Variants in ADAMTSL1 observed in about 807,000 individuals in gnomAD.
ADAMTSL1 encodes ADAMTS like 1, also known as ADAMTS-like protein 1.
ADAMTSL1 carries 126 observed loss-of-function variants against 201.8 expected under a neutral mutation model. The ratio of observed to expected loss-of-function variants is 0.62; its 90% CI spans 0.54 to 0.72. The LOEUF (loss-of-function observed/expected upper bound fraction) is 0.72, where lower values mean the gene tolerates loss of function less well. Ranked by LOEUF, ADAMTSL1 falls within the 30% of genes least tolerant of loss-of-function variation. ADAMTSL1 has a pLI of 0.00. For missense variants in ADAMTSL1, 2,679 were observed against 2,277.8 expected (o/e 1.18, Z -3.59); for synonymous variants, 1,121 against 903.4 (o/e 1.24, Z -4.32).
intron 1 of ADAMTSL1, among the ~76,000 whole-genome samples, chr9:18,093,122 A>C (rs1424573704): frequency 6.6e-6 from 1 of 152,204 alleles, no homozygotes; most frequent in African/African-American, 2.4e-5. Context: ...GCAGCCGACA[A>C]GTACAGAAAA....
At chr9:18,584,730 C>G (rs559740147) in intron 4 of ADAMTSL1, among the ~76,000 whole-genome samples, 2 of 152,140 alleles carry the variant, frequency 1.3e-5, no homozygotes, top group East Asian at 3.9e-4. Context: ...AGGAGATTGC[C>G]TTGTGAATCA....
intron 2 of ADAMTSL1, among the ~76,000 whole-genome samples, chr9:18,318,279 G>T (rs1199719289): frequency 6.6e-6 from 1 of 152,194 alleles, no homozygotes; most frequent in African/African-American, 2.4e-5. Context: ...TGGCCCCAAA[G>T]TATGCTTTAT....
chr9:17,990,250 G>T (rs551405421), intron 1 of ADAMTSL1, among the ~76,000 whole-genome samples: 3 of 151,956 alleles, frequency 2.0e-5, no homozygotes, highest in Non-Finnish European at 4.4e-5. Context: ...TAGCAAGCTC[G>T]ACCTTTGGAA....
At chr9:18,401,818 T>G (rs886734031) in intron 2 of ADAMTSL1, among the ~76,000 whole-genome samples, 4 of 152,182 alleles carry the variant, frequency 2.6e-5, no homozygotes, top group African/African-American at 7.2e-5. Flanking sequence ...TGATCTCAGC[T>G]GTGCTTCTGA....
chr9:18,799,827 AAAT>A (rs1227878184), intron 20 of ADAMTSL1, among the ~76,000 whole-genome samples: 2 of 152,166 alleles, frequency 1.3e-5, no homozygotes, highest in Non-Finnish European at 2.9e-5. Context: ...GGGAAAATAA[AAAT>A]AAAAGGCAAT....
chr9:18,786,204 A>G (rs1821699224), intron 19 of ADAMTSL1, among the ~76,000 whole-genome samples: 1 of 152,192 alleles, frequency 6.6e-6, no homozygotes, highest in Non-Finnish European at 1.5e-5. Context: ...ATCCTAGGGA[A>G]ATGGCTAAGT....
chr9:18,536,105 G>A (rs530663070), intron 3 of ADAMTSL1, among the ~76,000 whole-genome samples: 1 of 152,154 alleles, frequency 6.6e-6, no homozygotes, highest in African/African-American at 2.4e-5. Flanking sequence ...TGCTTTTAGT[G>A]ATAACAGAAG....
chr9:17,997,026 G>A (rs1341083185), intron 1 of ADAMTSL1, among the ~76,000 whole-genome samples: 1 of 152,100 alleles, frequency 6.6e-6, no homozygotes, highest in Non-Finnish European at 1.5e-5. Flanking sequence ...ACTTGAGTGG[G>A]CATTTTGCCC....
chr9:18,629,710 G>C (rs1220322331), intron 5 of ADAMTSL1, among the ~76,000 whole-genome samples: 2 of 152,010 alleles, frequency 1.3e-5, no homozygotes, highest in African/African-American at 4.8e-5. Context: ...TTTTTGTATT[G>C]TCTTTGTTTG....
intron 3 of ADAMTSL1, among the ~76,000 whole-genome samples, chr9:18,562,662 T>C (rs1019174383): frequency 6.6e-6 from 1 of 152,218 alleles, no homozygotes; most frequent in African/African-American, 2.4e-5. Flanking sequence ...CAGTCAAACA[T>C]AGGTTTGGTC....
At chr9:18,388,799 C>T (rs1001242818) in intron 2 of ADAMTSL1, among the ~76,000 whole-genome samples, 25 of 151,798 alleles carry the variant, frequency 1.6e-4, no homozygotes, top group Admixed American at 1.6e-3. Flanking sequence ...CTCTGTCACC[C>T]AGGCTGGAGT....
intron 2 of ADAMTSL1, among the ~76,000 whole-genome samples, chr9:18,358,606 A>C (rs1836362407): frequency 6.6e-6 from 1 of 152,196 alleles, no homozygotes; most frequent in African/African-American, 2.4e-5. Context: ...TAGACATATT[A>C]TATAAATGTA....
At chr9:18,565,568 GAAAA>G (rs11339613) in intron 3 of ADAMTSL1, among the ~76,000 whole-genome samples, 2 of 106,770 alleles carry the variant, frequency 1.9e-5, no homozygotes, top group African/African-American at 6.6e-5. Context: ...TCCTAGTTAT[GAAAA>G]AAAAAAAAAA....
At chr9:18,148,304 G>A (rs79110990) in intron 1 of ADAMTSL1, among the ~76,000 whole-genome samples, 18,860 of 148,952 alleles carry the variant, frequency 0.13, 1,487 homozygotes, top group South Asian at 0.21. Context: ...AAGAATGTTT[G>A]TTTAACATTC....
chr9:18,700,931 A>G (rs1587931577), intron 13 of ADAMTSL1, among the ~76,000 whole-genome samples: 1 of 152,232 alleles, frequency 6.6e-6, no homozygotes, highest in Non-Finnish European at 1.5e-5. Context: ...GTTACAGCCA[A>G]TTCAAAGGAA....
At chr9:18,879,914 T>C (rs1828422634) in intron 23 of ADAMTSL1, among the ~76,000 whole-genome samples, 1 of 152,354 alleles carries the variant, frequency 6.6e-6, no homozygotes, top group East Asian at 1.9e-4. Context: ...GCCACTGCTT[T>C]ATTAATTAAG....
intron 15 of ADAMTSL1, among the ~76,000 whole-genome samples, chr9:18,724,418 C>T (rs1817743799): frequency 6.6e-6 from 1 of 152,220 alleles, no homozygotes; most frequent in Admixed American, 6.5e-5. Flanking sequence ...AAGCACATGT[C>T]TAACTTTCAC....
At chr9:18,419,170 A>C (rs1288660748) in intron 2 of ADAMTSL1, among the ~76,000 whole-genome samples, 1 of 152,190 alleles carries the variant, frequency 6.6e-6, no homozygotes, top group Non-Finnish European at 1.5e-5. Context: ...CTCAACCAAA[A>C]CCTTATACCT....
At chr9:18,007,386 A>C (rs1340335482) in intron 1 of ADAMTSL1, among the ~76,000 whole-genome samples, 1 of 152,056 alleles carries the variant, frequency 6.6e-6, no homozygotes, top group Non-Finnish European at 1.5e-5. Context: ...ACAGTTATTA[A>C]CTTAGAAATC....
Sources: allele counts gnomAD v4.1 joint callset (sites outside exome capture counted in the v4.1 genomes callset), GRCh38; gene constraint gnomAD v4.1.1; transcripts MANE v1.5; gene names NCBI Gene and HGNC (gene_info 2026-07-23, HGNC 2026-07-21).